ASIC2: variants seen among roughly 807,000 people sequenced by gnomAD.
The protein encoded by ASIC2 is acid sensing ion channel subunit 2.
Under a neutral mutation model 57.3 loss-of-function variants are expected in ASIC2, and 25 were observed. The ratio of observed to expected loss-of-function variants is 0.44; its 90% confidence interval spans 0.32 to 0.61. ASIC2 has a LOEUF of 0.61. Ranked by LOEUF, ASIC2 falls within the 20% of genes least tolerant of loss-of-function variation. The pLI, the probability that ASIC2 is intolerant of heterozygous loss-of-function variation, is 0.06. For missense variants in ASIC2, 641 were observed against 738.1 expected, an observed-to-expected ratio of 0.87 and a Z score of 1.52; for synonymous variants, 319 against 307.5, an observed-to-expected ratio of 1.04 and a Z score of -0.39.
At chr17:34,103,330 T>C (rs1318838500) in intron 1 of ASIC2, among the ~76,000 whole-genome samples, 1 of 152,148 alleles carries the variant, frequency 6.6e-6, no homozygotes, top group African/African-American at 2.4e-5. Context: ...TTTATTTTTA[T>C]ATTTGCAGAG....
chr17:33,776,075 G>C (rs1368594974), intron 1 of ASIC2, among the ~76,000 whole-genome samples: 1 of 149,982 alleles, frequency 6.7e-6, no homozygotes, highest in East Asian at 2.0e-4. Flanking sequence ...GGAGGTTGCG[G>C]TGAGTCAAGA....
intron 1 of ASIC2, among the ~76,000 whole-genome samples, chr17:33,145,005 C>T (rs1186050543): frequency 6.6e-6 from 1 of 152,172 alleles, no homozygotes; most frequent in Non-Finnish European, 1.5e-5. Context: ...AGAGCAGGTG[C>T]CACGTGAGTG....
At chr17:33,531,971 G>A (rs1008947852) in intron 1 of ASIC2, among the ~76,000 whole-genome samples, 9 of 152,146 alleles carry the variant, frequency 5.9e-5, no homozygotes, top group Non-Finnish European at 8.8e-5. Context: ...ATGCCCAAGA[G>A]GAGTGTGTAT....
chr17:33,978,719 G>A (rs1234125310), intron 1 of ASIC2, among the ~76,000 whole-genome samples: 1 of 152,142 alleles, frequency 6.6e-6, no homozygotes, highest in Non-Finnish European at 1.5e-5. Context: ...TCTGTGCTAG[G>A]CCTACTGTCT....
chr17:33,099,724 T>C (rs2092203406), intron 2 of ASIC2, among the ~76,000 whole-genome samples: 1 of 152,182 alleles, frequency 6.6e-6, no homozygotes, highest in Non-Finnish European at 1.5e-5. Flanking sequence ...ACCCTTGAAA[T>C]GCCATCAGAA....
intron 3 of ASIC2, among the ~76,000 whole-genome samples, chr17:33,056,823 AC>A (rs1217462735): frequency 1.3e-5 from 2 of 152,212 alleles, no homozygotes; most frequent in Non-Finnish European, 2.9e-5. Flanking sequence ...TTCTCCAGCC[AC>A]CCAGGGTTTC....
Position 33,892,446 on chromosome 17 carries a change from C to T in ASIC2, c.555+263532G>A, listed in dbSNP as rs925155053. On this transcript the variant is annotated intron_variant, in intron 1 of 9. Coordinates refer to the ASIC2 transcript ENST00000359872. ...GCATGCTGTGTTGGAAGAATATTTA[C>T]GCCCACCTGGCAACCTCCTCATCAG... is the stretch of plus-strand genomic sequence containing the variant. Among the ~76,000 whole-genome samples the T allele has an allele frequency of 4.6e-5, 7 of 152,136 alleles. No individual in the cohort carries two copies. In the South Asian group the frequency reaches 6.2e-4, roughly 14 times the overall value.
At chr17:33,370,542 G>A (rs1306211381) in intron 1 of ASIC2, among the ~76,000 whole-genome samples, 4 of 152,206 alleles carry the variant, frequency 2.6e-5, no homozygotes, top group East Asian at 3.9e-4. Context: ...CCAAAGCAAG[G>A]TCTGTTACTC....
chr17:34,051,512 C>T (rs1200883544), intron 1 of ASIC2, among the ~76,000 whole-genome samples: 3 of 152,138 alleles, frequency 2.0e-5, no homozygotes, highest in Admixed American at 6.5e-5. Flanking sequence ...AAAGATAAGT[C>T]AGGACTATCA....
At chr17:33,388,288 C>T (rs1342496245) in intron 1 of ASIC2, among the ~76,000 whole-genome samples, 1 of 152,230 alleles carries the variant, frequency 6.6e-6, no homozygotes, top group Non-Finnish European at 1.5e-5. Context: ...CTGCTGATGT[C>T]TTAACTTCAG....
At chr17:33,428,058 C>G (rs114143619) in intron 1 of ASIC2, among the ~76,000 whole-genome samples, 1,618 of 152,324 alleles carry the variant, frequency 0.011, 26 homozygotes, top group African/African-American at 0.037. Context: ...GGAAAGAGAT[C>G]TTCCAGCCTC....
intron 1 of ASIC2, among the ~76,000 whole-genome samples, chr17:33,372,248 G>T (rs1201699369): frequency 6.6e-6 from 1 of 151,986 alleles, no homozygotes; most frequent in Non-Finnish European, 1.5e-5. Flanking sequence ...AGATGTTAAG[G>T]AGGAGTGATA....
At chr17:33,300,410 G>C (rs781109876) in intron 1 of ASIC2, among the ~76,000 whole-genome samples, 27 of 150,934 alleles carry the variant, frequency 1.8e-4, no homozygotes, top group Non-Finnish European at 2.8e-4. Flanking sequence ...CCATTATCCT[G>C]TTTTCCCATC....
At chr17:33,064,986 C>T (rs148633473) in intron 3 of ASIC2, among the ~76,000 whole-genome samples, 1 of 152,232 alleles carries the variant, frequency 6.6e-6, no homozygotes, top group African/African-American at 2.4e-5. Flanking sequence ...GAGGCTTGGG[C>T]TTGAATTAGA....
intron 1 of ASIC2, among the ~76,000 whole-genome samples, chr17:34,058,119 T>C (rs1485258949): frequency 6.6e-6 from 1 of 152,218 alleles, no homozygotes; most frequent in Non-Finnish European, 1.5e-5. Context: ...AATTACATAT[T>C]TCTAAGTGCT....
At chr17:33,884,707 C>T (rs532342235) in intron 1 of ASIC2, among the ~76,000 whole-genome samples, 2 of 152,028 alleles carry the variant, frequency 1.3e-5, no homozygotes, top group East Asian at 1.9e-4. Context: ...CATTCAGATA[C>T]CCCCCACCCC....
chr17:33,312,660 T>C (rs776002608), intron 1 of ASIC2, among the ~76,000 whole-genome samples: 1 of 151,876 alleles, frequency 6.6e-6, no homozygotes, highest in Non-Finnish European at 1.5e-5. Context: ...GTGGGCCAGG[T>C]GCGGTGGCTC....
intron 1 of ASIC2, among the ~76,000 whole-genome samples, chr17:33,988,449 C>G (rs191042970): frequency 4.2e-4 from 64 of 152,292 alleles, no homozygotes; most frequent in African/African-American, 1.5e-3. Flanking sequence ...TGACTTGCTC[C>G]TCCTTGCCTT....
intron 1 of ASIC2, among the ~76,000 whole-genome samples, chr17:33,551,439 C>T (rs1915750071): frequency 6.6e-6 from 1 of 152,144 alleles, no homozygotes; most frequent in Non-Finnish European, 1.5e-5. Flanking sequence ...GACACCTTCA[C>T]AGGAAGAGAC....
Sources: allele counts gnomAD v4.1 joint callset (sites outside exome capture counted in the v4.1 genomes callset), GRCh38; gene constraint gnomAD v4.1.1; transcripts MANE v1.5; gene names NCBI Gene and HGNC (gene_info 2026-07-23, HGNC 2026-07-21).